Variants in KCNIP4 observed in about 807,000 individuals in gnomAD.
KCNIP4 encodes potassium voltage-gated channel interacting protein 4.
KCNIP4 carries 12 observed loss-of-function variants against 34.0 expected under a neutral mutation model. That is an observed-to-expected ratio of 0.35 (90% CI 0.23 to 0.57). The LOEUF (loss-of-function observed/expected upper bound fraction) is 0.57, where lower values mean the gene tolerates loss of function less well. Ranked by LOEUF, KCNIP4 falls within the 20% of genes least tolerant of loss-of-function variation. The pLI is 0.83. For synonymous variants in KCNIP4, 124 were observed against 102.2 expected (o/e 1.21, Z -1.29); for missense variants, 238 against 311.7 (o/e 0.76, Z 1.78).
At chr4:21,024,113 T>C (rs1044726914) in intron 1 of KCNIP4, among the ~76,000 whole-genome samples, 4 of 152,220 alleles carry the variant, frequency 2.6e-5, no homozygotes, top group African/African-American at 9.6e-5. Context: ...TAGTTTCTGC[T>C]GCACAATTTT....
At chr4:21,443,151 T>C (rs773234027) in intron 1 of KCNIP4, among the ~76,000 whole-genome samples, 1 of 152,190 alleles carries the variant, frequency 6.6e-6, no homozygotes, top group Non-Finnish European at 1.5e-5. Flanking sequence ...CTCTCTAATC[T>C]GTATCATTGA....
intron 3 of KCNIP4, among the ~76,000 whole-genome samples, chr4:20,808,930 C>T (rs527823364): frequency 9.2e-5 from 14 of 152,224 alleles, no homozygotes; most frequent in East Asian, 5.8e-4. Context: ...CTACCATAAC[C>T]GTTTACTTAG....
chr4:20,925,821 T>G (rs1281967404), intron 1 of KCNIP4, among the ~76,000 whole-genome samples: 1 of 152,198 alleles, frequency 6.6e-6, no homozygotes, highest in Non-Finnish European at 1.5e-5. Context: ...AAAAGGCACA[T>G]GGGGCGAAGT....
At chr4:21,365,312 C>A (rs796137629) in intron 1 of KCNIP4, among the ~76,000 whole-genome samples, 21 of 151,842 alleles carry the variant, frequency 1.4e-4, no homozygotes, top group African/African-American at 5.1e-4. Flanking sequence ...TGATGGAACC[C>A]CATCTTTACT....
At chr4:21,133,770 C>G (rs1462465605) in intron 1 of KCNIP4, among the ~76,000 whole-genome samples, 1 of 152,014 alleles carries the variant, frequency 6.6e-6, no homozygotes, top group Non-Finnish European at 1.5e-5. Flanking sequence ...GAGATTTTTT[C>G]TCATTTCTTT....
intron 1 of KCNIP4, among the ~76,000 whole-genome samples, chr4:21,664,893 AGTT>A (rs1344422979): frequency 2.0e-5 from 3 of 152,168 alleles, no homozygotes; most frequent in Non-Finnish European, 4.4e-5. Flanking sequence ...TTATCACAAT[AGTT>A]GTTGTGACAT....
chr4:21,835,951 T>C (rs993484857), intron 1 of KCNIP4, among the ~76,000 whole-genome samples: 8 of 152,138 alleles, frequency 5.3e-5, no homozygotes, highest in African/African-American at 9.7e-5. Flanking sequence ...GACTCAACTG[T>C]ACATAATTCA....
At chr4:21,337,624 CT>C (rs1290979007) in intron 1 of KCNIP4, among the ~76,000 whole-genome samples, 3 of 152,054 alleles carry the variant, frequency 2.0e-5, no homozygotes, top group Admixed American at 2.0e-4. Context: ...GTACAAACTT[CT>C]TTTTTTATTA....
intron 1 of KCNIP4, among the ~76,000 whole-genome samples, chr4:21,479,754 C>T (rs905303974): frequency 6.6e-6 from 1 of 151,678 alleles, no homozygotes; most frequent in Non-Finnish European, 1.5e-5. Context: ...AAATTAATAG[C>T]AGAGAAAATA....
chr4:21,940,473 TCTC>T (rs1560192559), intron 1 of KCNIP4, among the ~76,000 whole-genome samples: 1 of 152,192 alleles, frequency 6.6e-6, no homozygotes, highest in African/African-American at 2.4e-5. Context: ...GCATTTATTT[TCTC>T]CTCAACTTGA....
chr4:21,040,130 ACCT>A (rs1455657108), intron 1 of KCNIP4, among the ~76,000 whole-genome samples: 1 of 152,088 alleles, frequency 6.6e-6, no homozygotes, highest in Non-Finnish European at 1.5e-5. Flanking sequence ...TGATCCAATC[ACCT>A]CCTACCAGGT....
intron 1 of KCNIP4, among the ~76,000 whole-genome samples, chr4:21,780,961 C>T (rs116300661): frequency 1.4e-3 from 211 of 152,202 alleles, no homozygotes; most frequent in African/African-American, 4.1e-3. Flanking sequence ...GGATCTCTTC[C>T]TCTGTGTTTG....
chr4:21,937,560 C>G (rs941551483), intron 1 of KCNIP4, among the ~76,000 whole-genome samples: 3 of 152,096 alleles, frequency 2.0e-5, no homozygotes, highest in Non-Finnish European at 4.4e-5. Flanking sequence ...GTATCATGTT[C>G]CAACCCATAT....
intron 1 of KCNIP4, among the ~76,000 whole-genome samples, chr4:21,122,989 T>C (rs1221908140): frequency 1.3e-5 from 2 of 152,046 alleles, no homozygotes; most frequent in Admixed American, 6.6e-5. Flanking sequence ...GGCGGGCAGA[T>C]CACAAGGTCA....
intron 1 of KCNIP4, among the ~76,000 whole-genome samples, chr4:21,768,909 T>C (rs1029634808): frequency 2.0e-5 from 3 of 152,134 alleles, no homozygotes; most frequent in African/African-American, 7.2e-5. Flanking sequence ...TGTAATCATA[T>C]GTCAATTTAT....
chr4:21,825,950 AAGAT>A (rs1412889923), intron 1 of KCNIP4, among the ~76,000 whole-genome samples: 1 of 152,178 alleles, frequency 6.6e-6, no homozygotes, highest in African/African-American at 2.4e-5. Flanking sequence ...CCCGAATAAA[AAGAT>A]AGAGCCGGTC....
intron 1 of KCNIP4, among the ~76,000 whole-genome samples, chr4:21,611,392 A>G (rs1039877971): frequency 6.6e-6 from 1 of 152,158 alleles, no homozygotes; most frequent in Non-Finnish European, 1.5e-5. Context: ...CTCACTCACC[A>G]TCTCAAGAAC....
intron 1 of KCNIP4, among the ~76,000 whole-genome samples, chr4:21,598,317 T>C (rs528774330): frequency 2.6e-5 from 4 of 152,144 alleles, no homozygotes; most frequent in Non-Finnish European, 5.9e-5. Context: ...GTTGAACTCT[T>C]AGTCTTTGCC....
chr4:21,352,804 G>T (rs913637242), intron 1 of KCNIP4, among the ~76,000 whole-genome samples: 1 of 152,200 alleles, frequency 6.6e-6, no homozygotes, highest in East Asian at 1.9e-4. Flanking sequence ...TGAGCTCTGA[G>T]AACAGACTGC....
Sources: gnomAD v4.1 joint callset for allele counts (sites outside exome capture counted in the v4.1 genomes callset) on GRCh38, gnomAD v4.1.1 for gene constraint, MANE v1.5 for transcripts, NCBI Gene and HGNC (gene_info 2026-07-23, HGNC 2026-07-21) for gene names.